GNAQ: variants seen among roughly 807,000 people sequenced by gnomAD.
GNAQ encodes the protein guanine nucleotide-binding protein G(q) subunit alpha.
A neutral mutation model predicts 43.9 loss-of-function variants in GNAQ; 8 were observed. The ratio of observed to expected loss-of-function variants is 0.18; its 90% CI spans 0.11 to 0.33. GNAQ has a LOEUF of 0.33. Ranked by LOEUF, GNAQ falls within the 10% of genes least tolerant of loss-of-function variation. The pLI, the probability that GNAQ is intolerant of heterozygous loss-of-function variation, is 1.00. For synonymous variants in GNAQ, 155 were observed against 170.7 expected, an observed-to-expected ratio of 0.91 and a Z score of 0.71; for missense variants, 158 against 450.8, an observed-to-expected ratio of 0.35 and a Z score of 5.88.
At chr9:77,932,540 A>G (rs1226326355) in intron 1 of GNAQ, among the ~76,000 whole-genome samples, 1 of 152,170 alleles carries the variant, frequency 6.6e-6, no homozygotes, top group Non-Finnish European at 1.5e-5. Flanking sequence ...AGAAAATTAG[A>G]AGGAAACAGC....
rs77457854 is a variant in GNAQ, at chr9:77,995,922, G to A, written c.136+35178C>T. Among the ~76,000 whole-genome samples the A allele has an allele frequency of 4.2e-3, 633 of 152,264 alleles. 4 individuals are homozygous for A. The highest frequency in any genetic ancestry group is 0.015 in the African/African-American group (606 of 41,558). On this transcript the variant is annotated intron_variant, in intron 1 of 6. Coordinates refer to ENST00000286548, the MANE Select transcript of GNAQ (RefSeq NM_002072.5). ...ACTTGATAAATTAAATTCTCTAGAA[G>A]TAAAAAACTAAGGAATACACAAAGC...
chr9:77,768,891 G>A (rs1587908017), intron 5 of GNAQ, among the ~76,000 whole-genome samples: 3 of 152,166 alleles, frequency 2.0e-5, no homozygotes, highest in Non-Finnish European at 4.4e-5. Context: ...TCTGAGTGGA[G>A]TTTCTGACTG....
At chr9:77,956,959 C>A (rs1322103050) in intron 1 of GNAQ, among the ~76,000 whole-genome samples, 5 of 152,134 alleles carry the variant, frequency 3.3e-5, no homozygotes, top group Admixed American at 3.3e-4. Flanking sequence ...AGCAAAGGGA[C>A]CATGTAAGAA....
chr9:77,970,248 CAAAA>C (rs149258957), intron 1 of GNAQ, among the ~76,000 whole-genome samples: 6 of 151,220 alleles, frequency 4.0e-5, no homozygotes, highest in African/African-American at 1.5e-4. Flanking sequence ...AACAAACAAA[CAAAA>C]AAAACTGACT....
chr9:77,733,245 C>G (rs1169430869), intron 5 of GNAQ, among the ~76,000 whole-genome samples: 5 of 152,168 alleles, frequency 3.3e-5, no homozygotes, highest in Admixed American at 3.3e-4. Context: ...GAGCCATCAG[C>G]AAAGGGTCTT....
chr9:77,838,463 TG>T (rs748652881), intron 2 of GNAQ, among the ~76,000 whole-genome samples: 224 of 151,872 alleles, frequency 1.5e-3, no homozygotes, highest in Admixed American at 4.4e-3. Flanking sequence ...AGTAAAACGT[TG>T]TTGCTCACGT....
At chr9:77,934,095 AG>A (rs1364701436) in intron 1 of GNAQ, among the ~76,000 whole-genome samples, 1 of 152,194 alleles carries the variant, frequency 6.6e-6, no homozygotes, top group Non-Finnish European at 1.5e-5. Flanking sequence ...ATTCATCAAG[AG>A]ATCAGCTACA....
chr9:77,946,579 CACT>C (rs1409400185), intron 1 of GNAQ, among the ~76,000 whole-genome samples: 1 of 152,174 alleles, frequency 6.6e-6, no homozygotes, highest in Non-Finnish European at 1.5e-5. Context: ...CGTGCTCCAC[CACT>C]GACTGCTGGA....
intron 1 of GNAQ, among the ~76,000 whole-genome samples, chr9:77,950,179 A>G (rs536893504): frequency 6.6e-6 from 1 of 152,348 alleles, no homozygotes; most frequent in African/African-American, 2.4e-5. Flanking sequence ...GATTCCATTA[A>G]GCTCATATTC....
chr9:77,850,226 A>C (rs758741184), intron 2 of GNAQ, among the ~76,000 whole-genome samples: 1 of 152,072 alleles, frequency 6.6e-6, no homozygotes, highest in Non-Finnish European at 1.5e-5. Flanking sequence ...CTTCTCATTT[A>C]TCTGTCAGAG....
intron 1 of GNAQ, among the ~76,000 whole-genome samples, chr9:77,973,182 A>G (rs142945532): frequency 1.3e-4 from 20 of 152,274 alleles, no homozygotes; most frequent in African/African-American, 4.8e-4. Context: ...GGGAATGGCC[A>G]AAAATTATCC....
At chr9:77,948,441 C>T (rs1587425765) in intron 1 of GNAQ, among the ~76,000 whole-genome samples, 1 of 152,074 alleles carries the variant, frequency 6.6e-6, no homozygotes, top group East Asian at 1.9e-4. Context: ...AGACTGAGGC[C>T]TGACACGGGA....
At chr9:77,971,610 G>A (rs1479412678) in intron 1 of GNAQ, among the ~76,000 whole-genome samples, 3 of 152,110 alleles carry the variant, frequency 2.0e-5, no homozygotes, top group African/African-American at 7.2e-5. Flanking sequence ...CAATAAACTA[G>A]GTATCAATGG....
intron 2 of GNAQ, among the ~76,000 whole-genome samples, chr9:77,919,022 C>T (rs35420432): frequency 0.13 from 19,626 of 152,048 alleles, 1,483 homozygotes; most frequent in East Asian, 0.3. Context: ...AGGGTTCAAG[C>T]GATTCTCCTG....
At chr9:77,753,356 G>C (rs945280845) in intron 5 of GNAQ, among the ~76,000 whole-genome samples, 2 of 152,140 alleles carry the variant, frequency 1.3e-5, no homozygotes, top group Non-Finnish European at 2.9e-5. Flanking sequence ...AATAGCTGCA[G>C]AAGGCACATC....
intron 4 of GNAQ, among the ~76,000 whole-genome samples, chr9:77,796,452 T>C (rs972877049): frequency 1.3e-5 from 2 of 152,222 alleles, no homozygotes; most frequent in African/African-American, 4.8e-5. Flanking sequence ...CAAAGCACCA[T>C]GTAGTTTGTA....
At chr9:77,980,501 T>A (rs1244286663) in intron 1 of GNAQ, among the ~76,000 whole-genome samples, 1 of 152,184 alleles carries the variant, frequency 6.6e-6, no homozygotes, top group Non-Finnish European at 1.5e-5. Context: ...ACAAAATTAT[T>A]TTATAATTAA....
At chr9:77,818,547 G>C (rs1222310590) in intron 2 of GNAQ, among the ~76,000 whole-genome samples, 2 of 151,476 alleles carry the variant, frequency 1.3e-5, no homozygotes. Context: ...TCCAAATGTC[G>C]AATGTGAAAT....
chr9:77,969,306 C>T (rs1823207667), intron 1 of GNAQ, among the ~76,000 whole-genome samples: 1 of 152,108 alleles, frequency 6.6e-6, no homozygotes, highest in Admixed American at 6.5e-5. Flanking sequence ...CCCGAATTAC[C>T]ATCCAGCGCC....
Sources: allele counts gnomAD v4.1 joint callset (sites outside exome capture counted in the v4.1 genomes callset), GRCh38; gene constraint gnomAD v4.1.1; transcripts MANE v1.5; gene names NCBI Gene and HGNC (gene_info 2026-07-23, HGNC 2026-07-21).